Variants in PHC2 observed in about 807,000 individuals in gnomAD.
PHC2 encodes the protein polyhomeotic-like protein 2.
PHC2 carries 29 observed loss-of-function variants against 87.4 expected under a neutral mutation model. The observed-to-expected ratio is 0.33, with a 90% CI of 0.25 to 0.45. The LOEUF (loss-of-function observed/expected upper bound fraction) is 0.45, where lower values mean the gene tolerates loss of function less well. Ranked by LOEUF, PHC2 falls within the 20% of genes least tolerant of loss-of-function variation. PHC2 has a pLI of 1.00. For missense variants in PHC2, 857 were observed against 1,136.7 expected, an observed-to-expected ratio of 0.75 and a Z score of 3.54; for synonymous variants, 438 against 461.7, an observed-to-expected ratio of 0.95 and a Z score of 0.66.
intron 9 of PHC2, among the ~76,000 whole-genome samples, chr1:33,354,092 G>T (rs189135574): frequency 6.6e-6 from 1 of 152,274 alleles, no homozygotes; most frequent in Admixed American, 6.5e-5. Context: ...CTGGCCACCT[G>T]CCTCCACTCT....
intron 1 of PHC2, among the ~76,000 whole-genome samples, chr1:33,377,783 A>C (rs1299835318): frequency 6.6e-6 from 1 of 151,992 alleles, no homozygotes; most frequent in African/African-American, 2.4e-5. Context: ...CTATCTCCCC[A>C]ATACTGCTCA....
intron 1 of PHC2, among the ~76,000 whole-genome samples, chr1:33,387,035 A>C (rs868723385): frequency 1.3e-5 from 2 of 152,252 alleles, no homozygotes; most frequent in Non-Finnish European, 2.9e-5. Flanking sequence ...CACAGGGATC[A>C]TGGGAAGTGG....
chr1:33,416,779 C>T (rs1215716370), intron 1 of PHC2, among the ~76,000 whole-genome samples: 3 of 151,836 alleles, frequency 2.0e-5, no homozygotes, highest in Non-Finnish European at 4.4e-5. Flanking sequence ...AGTATAACTG[C>T]ACTATCAAAA....
chr1:33,346,890 A>C (rs1646854369), intron 9 of PHC2: 1 of 985,328 alleles, frequency 1.0e-6, no homozygotes, highest in Admixed American at 6.1e-5. Flanking sequence ...CCTAATTCTG[A>C]GACAATAATC....
In PHC2 at chr1:33,349,486, C is replaced by G. The variant is rs2148261758; in HGVS notation, c.1558+4915G>C. ...CGCGACTGGCACGGCCTGGCAGCCG[C>G]GTAGGCCCGGGCCGTTAGGGGCACC... is the stretch of plus-strand genomic sequence containing the variant. On this transcript the variant is annotated intron_variant, in intron 9 of 14. Transcript: ENST00000683057. The surrounding 1 kb of genome is among the most constrained non-coding windows in gnomAD (Gnocchi z 4.2). 1 of 985,232 alleles carries G rather than the reference C, an allele frequency of 1.0e-6. No individual in the cohort carries two copies. Among genetic ancestry groups the G allele is most frequent in the Non-Finnish European group, 1.2e-6 (1 of 829,880 alleles). 61.0% of individuals were successfully genotyped at this position (985,232 alleles called of 1,614,324 possible).
chr1:33,325,828 T>C (rs764610389), intron 14 of PHC2: 8 of 455,756 alleles, frequency 1.8e-5, no homozygotes, highest in Non-Finnish European at 2.6e-5. Flanking sequence ...AACAGCTCTA[T>C]AGATGTGGGC....
intron 14 of PHC2, 69 bp downstream of exon 14, chr1:33,328,801 G>C (rs1646426962): frequency 6.9e-7 from 1 of 1,445,394 alleles, no homozygotes; most frequent in South Asian, 1.3e-5. Flanking sequence ...TCCTCCTGGT[G>C]GTGGGAGGGT....
chr1:33,424,011 G>T lies in PHC2; in HGVS notation c.-55+6965C>A, dbSNP rs374580475. ...TTCGGGAGGCTGAGGCAGGAGAATC[G>T]CTTGAACCTGGGAGGCGGAGGTGGT... On this transcript the variant is annotated intron_variant, in intron 1 of 14. Coordinates refer to ENST00000683057, the MANE Select transcript of PHC2 (RefSeq NM_001385109.1). 4.7e-3 allele frequency among the ~76,000 whole-genome samples: 487 copies of T among 103,952 alleles called. 1 individual carries two copies. Among genetic ancestry groups the T allele is most frequent in the African/African-American group, 0.022 (468 of 21,608 alleles). The allele number at this position is 103,952 out of a possible 152,430, so 68.2% of individuals were successfully genotyped here.
At chr1:33,401,694 C>G (rs10914697) in intron 1 of PHC2, among the ~76,000 whole-genome samples, 31,812 of 151,982 alleles carry the variant, frequency 0.21, 3,395 homozygotes, top group South Asian at 0.25. Flanking sequence ...AACAGAAGTT[C>G]CCAAAATAGA....
intron 14 of PHC2, among the ~76,000 whole-genome samples, 183 bp downstream of exon 14, chr1:33,328,687 T>C (rs1646424372): frequency 6.6e-6 from 1 of 152,236 alleles, no homozygotes; most frequent in Admixed American, 6.5e-5. Context: ...ATTTATAGTT[T>C]GCATTCTATG....
intron 7 of PHC2, among the ~76,000 whole-genome samples, chr1:33,362,740 T>C (rs1172613400): frequency 7.4e-6 from 1 of 134,980 alleles, no homozygotes; most frequent in Non-Finnish European, 1.6e-5. Flanking sequence ...ATACTCCTCC[T>C]CCTGTTCCAT....
chr1:33,334,021 A>G lies in PHC2; in HGVS notation c.1761+69T>C. ...ACATTTTCAGAAATTTTACATGGAA[A>G]TGTAAAAATATTCTAAGACACATCC... On this transcript the variant is annotated intron_variant, in intron 10 of 14. Transcript: ENST00000683057. This position sits in a 1 kb window ranked among gnomAD's most constrained non-coding sequence, Gnocchi z 5.5. 1 of 1,348,326 alleles carries G rather than the reference A, an allele frequency of 7.4e-7. No individual in the cohort carries two copies. The highest frequency in any genetic ancestry group is 1.0e-6 in the Non-Finnish European group (1 of 966,368). The allele number at this position is 1,348,326 out of a possible 1,614,324, so 83.5% of individuals were successfully genotyped here.
At chr1:33,346,050 C>T in intron 9 of PHC2, 1 of 985,340 alleles carries the variant, frequency 1.0e-6, no homozygotes, top group South Asian at 4.7e-5. Flanking sequence ...ACATTTAAAG[C>T]ATAAATCTAT....
At chr1:33,325,096 C>G in intron 14 of PHC2, 77 bp from the exon 15 acceptor site, 1 of 1,348,520 alleles carries the variant, frequency 7.4e-7, no homozygotes, top group Non-Finnish European at 1.0e-6. Context: ...ATCTAGTTAT[C>G]TAGATCTAGT....
In PHC2 at chr1:33,355,162, T is replaced by C. The variant is rs771622430; in HGVS notation, c.1068A>G (p.Pro356=). ...PQFVIQQQPQ[P]QQQQPPPQQS... Reference sequence around the variant, plus strand: ...GCTGGGGCGGCGGCTGCTGCTGTTGTGGCTGTGGCTGCTGCTGGATCACAA... The same window carrying C: ...GCTGGGGCGGCGGCTGCTGCTGTTGCGGCTGTGGCTGCTGCTGGATCACAA... The change falls in exon 8 of 15, where the codon CCA becomes CCG. Residue 356 remains proline, a synonymous_variant. Coordinates refer to ENST00000683057, the MANE Select transcript of PHC2 (RefSeq NM_001385109.1). 2.9e-5 allele frequency: 46 copies of C among 1,607,284 alleles called. No individual in the cohort carries two copies. In the East Asian group the frequency reaches 1.0e-3, roughly 36 times the overall value.
intron 1 of PHC2, among the ~76,000 whole-genome samples, chr1:33,420,888 GGT>G (rs1650409120): frequency 6.6e-6 from 1 of 152,190 alleles, no homozygotes; most frequent in African/African-American, 2.4e-5. Flanking sequence ...TGTGTTTACA[GGT>G]GTAAGCCACT....
chr1:33,367,458 A>C, intron 6 of PHC2, 30 bp from the exon 7 acceptor site: 1 of 1,505,134 alleles, frequency 6.6e-7, no homozygotes, highest in African/African-American at 1.4e-5. Flanking sequence ...GGGAGTCCAG[A>C]GAATGTGGCA....
Position 33,331,448 on chromosome 1 carries a change from C to T in PHC2, c.1906G>A (p.Gly636Ser), listed in dbSNP as rs1272277625. 6.2e-7 allele frequency: 1 copy of T among 1,603,546 alleles called. No homozygotes were observed. Among genetic ancestry groups the T allele is most frequent in the East Asian group, 2.2e-5 (1 of 44,820 alleles). ...EPYLQESKEE[G>S]APLKLKCELC... is the part of the protein sequence containing the mutation. ...TCACACTTGAGTTTGAGGGGAGCAC[C>T]CTCCTCTTTGGATTCTGAAAAGTAT... Residue 636 changes from glycine (G) to serine (S), a missense_variant, in exon 12 of 15, where the codon GGT (glycine) becomes AGT (serine). Physicochemically the swap from Gly to Ser is moderately conservative, Grantham distance 56. Transcript: ENST00000683057. The surrounding 1 kb of genome is among the most constrained non-coding windows in gnomAD (Gnocchi z 5.2).
rs1557827397 is a variant in PHC2, at chr1:33,349,960, G to GGGGCCGC, written c.1558+4440_1558+4441insGCGGCCC. ...CGGGGGCGGGGCGAGGGAGCGGGGC[G>GGGGCCGC]GGGAGGGGCGGGGCCGCGGGAGGGG... On this transcript the variant is annotated intron_variant, in intron 9 of 14. Transcript: ENST00000683057. This position sits in a 1 kb window ranked among gnomAD's most constrained non-coding sequence, Gnocchi z 4.2. 1 of 417,176 alleles carries GGGGCCGC rather than the reference G, an allele frequency of 2.4e-6. No homozygotes were observed. The highest frequency in any genetic ancestry group is 9.8e-5 in the South Asian group (1 of 10,194). The allele number at this position is 417,176 out of a possible 1,614,324, so 25.8% of individuals were successfully genotyped here.
Sources: allele counts gnomAD v4.1 joint callset (sites outside exome capture counted in the v4.1 genomes callset), GRCh38; gene constraint gnomAD v4.1.1; non-coding constraint Gnocchi (gnomAD v3.1); transcripts MANE v1.5; gene names NCBI Gene and HGNC (gene_info 2026-07-23, HGNC 2026-07-21).